The following EFHB variants were observed in gnomAD, a reference collection of about 807,000 sequenced individuals.
The protein encoded by EFHB is EF-hand domain family member B.
A neutral mutation model predicts 87.2 loss-of-function variants in EFHB; 91 were observed. That is an observed-to-expected ratio of 1.04 (90% CI 0.88 to 1.24). The LOEUF (loss-of-function observed/expected upper bound fraction) is 1.24. Among genes scored for constraint, EFHB ranks in the 50% most tolerant of loss-of-function variants. The pLI, the probability that EFHB is intolerant of heterozygous loss-of-function variation, is 0.00. For missense variants in EFHB, 1,084 were observed against 998.8 expected (o/e 1.09, Z -1.15); for synonymous variants, 325 against 333.6 (o/e 0.97, Z 0.28).
At chr3:19,938,868 T>C (rs1208572091), upstream of EFHB, among the ~76,000 whole-genome samples, 2 of 151,990 alleles carry the variant, frequency 1.3e-5, no homozygotes, top group Admixed American at 6.6e-5. Context: ...GGGCGTGTAG[T>C]TCCACTCGCA....
intron 11 of EFHB, among the ~76,000 whole-genome samples, chr3:19,883,703 T>C (rs1334473130): frequency 6.6e-6 from 1 of 152,120 alleles, no homozygotes; most frequent in Non-Finnish European, 1.5e-5. Flanking sequence ...CCTAACCTAA[T>C]ATGGCTAGAG....
intron 1 of EFHB, 30 bp from the exon 2 acceptor site, chr3:19,920,597 GC>G: frequency 6.4e-7 from 1 of 1,554,966 alleles, no homozygotes; most frequent in Non-Finnish European, 8.7e-7. Context: ...GTTGATCATT[GC>G]CAGGGTGGAA....
intron 5 of EFHB, among the ~76,000 whole-genome samples, chr3:19,913,254 C>T (rs952364538): frequency 6.6e-6 from 1 of 151,982 alleles, no homozygotes; most frequent in Non-Finnish European, 1.5e-5. Context: ...AGAAAGAGGC[C>T]AAATTACCCT....
At chr3:19,939,029 C>T (rs909078598), upstream of EFHB, among the ~76,000 whole-genome samples, 4 of 152,114 alleles carry the variant, frequency 2.6e-5, no homozygotes, top group South Asian at 2.1e-4. Context: ...GCCTCAGCCT[C>T]CCTTGTAGCT....
chr3:19,884,680 G>A lies in EFHB; in HGVS notation c.1934-65C>T, dbSNP rs1694032533. The A allele has an allele frequency of 2.7e-6, 4 of 1,480,330 alleles. No homozygotes were observed. In the South Asian group the frequency reaches 4.9e-5, roughly 18 times the overall value. The allele number at this position is 1,480,330 out of a possible 1,614,324, so 91.7% of individuals were successfully genotyped here. On this transcript the variant is annotated intron_variant, in intron 10 of 12. Transcript: ENST00000295824. ...ATTACTACTTAGTGCTTGCTGCTCT[G>A]TAACAGGATAAGTTTTCCCATCTAG...
chr3:19,942,682 G>C (rs1024183833), intron 1 of EFHB, among the ~76,000 whole-genome samples: 6 of 152,288 alleles, frequency 3.9e-5, no homozygotes, highest in African/African-American at 1.4e-4. Context: ...CCATCTGGAG[G>C]TGATGGAAGA....
chr3:19,933,817 T>C lies in EFHB; in HGVS notation c.202A>G (p.Lys68Glu), dbSNP rs772498274. 5.0e-6 allele frequency: 8 copies of C among 1,613,974 alleles called. No homozygotes were observed. Among genetic ancestry groups the C allele is most frequent in the Non-Finnish European group, 6.8e-6 (8 of 1,179,880 alleles). Residue 68 changes from lysine to glutamate, a missense_variant, in exon 1 of 13, where the codon AAG (lysine) becomes GAG (glutamate). Coordinates refer to ENST00000295824, the MANE Select transcript of EFHB (RefSeq NM_144715.4). ...CTTTCTAATCCCATTTCAAGCCCCTTGCTCAATGGAAATTTTGTTTCTGGT... is the reference window on the plus strand; with the variant it reads ...CTTTCTAATCCCATTTCAAGCCCCTCGCTCAATGGAAATTTTGTTTCTGGT... ...APPETKFPLS[K>E]GLEMGLERQN...
intron 3 of EFHB, 34 bp from the exon 4 acceptor site, chr3:19,918,446 C>CA (rs775486971): frequency 4.0e-6 from 6 of 1,516,610 alleles, no homozygotes; most frequent in African/African-American, 1.4e-5. Flanking sequence ...AATATATCAA[C>CA]AAAAAAAGTA....
chr3:19,929,842 TAAC>T (rs1402588020), intron 1 of EFHB, among the ~76,000 whole-genome samples: 1 of 151,708 alleles, frequency 6.6e-6, no homozygotes, highest in Non-Finnish European at 1.5e-5. Context: ...CACTCGATAA[TAAC>T]AACTACATAA....
chr3:19,915,039 C>T (rs935567995), intron 5 of EFHB, among the ~76,000 whole-genome samples: 3 of 151,906 alleles, frequency 2.0e-5, no homozygotes, highest in Non-Finnish European at 2.9e-5. Flanking sequence ...CTGCAATGAA[C>T]CATGATCATA....
intron 11 of EFHB, among the ~76,000 whole-genome samples, chr3:19,884,180 C>A (rs1214660532): frequency 6.6e-6 from 1 of 152,120 alleles, no homozygotes; most frequent in Non-Finnish European, 1.5e-5. Flanking sequence ...GTTTCCATTT[C>A]ATTAATATAT....
At chr3:19,924,136 G>C (rs1695534707) in intron 1 of EFHB, among the ~76,000 whole-genome samples, 1 of 151,852 alleles carries the variant, frequency 6.6e-6, no homozygotes, top group East Asian at 1.9e-4. Flanking sequence ...TGCCAAATGA[G>C]GACTTTCTAA....
Position 19,933,491 on chromosome 3 carries a change from G to C in EFHB, c.528C>G (p.Thr176=), listed in dbSNP as rs766934147. Residue 176 remains threonine, a synonymous_variant, in exon 1 of 13, where the codon ACC becomes ACG. Coordinates refer to ENST00000295824, the MANE Select transcript of EFHB (RefSeq NM_144715.4). ...EPRQEMEKES[T]CVLMKPNTEI... ...CTGTGTTGGGTTTCATTAAAACACA[G>C]GTAGACTCTTTTTCCATTTCCTGTC... 6.2e-7 allele frequency: 1 copy of C among 1,613,962 alleles called. No individual in the cohort carries two copies. Among genetic ancestry groups the C allele is most frequent in the South Asian group, 1.1e-5 (1 of 91,084 alleles).
intron 9 of EFHB, among the ~76,000 whole-genome samples, chr3:19,892,008 T>A (rs987713080): frequency 1.3e-5 from 2 of 152,216 alleles, no homozygotes; most frequent in Non-Finnish European, 2.9e-5. Flanking sequence ...AGTGAACCTC[T>A]GACCCCTCCC....
At chr3:19,921,668 T>G (rs990494462) in intron 1 of EFHB, among the ~76,000 whole-genome samples, 1 of 152,092 alleles carries the variant, frequency 6.6e-6, no homozygotes, top group South Asian at 2.1e-4. Context: ...CCCACACAAT[T>G]ACATTGTGTG....
intron 6 of EFHB, among the ~76,000 whole-genome samples, chr3:19,900,860 C>CA (rs1372299608): frequency 6.6e-6 from 1 of 150,656 alleles, no homozygotes; most frequent in Middle Eastern, 3.4e-3. Flanking sequence ...ACCTGGGAGT[C>CA]AGAGGCTGCA....
intron 1 of EFHB, among the ~76,000 whole-genome samples, chr3:19,943,992 C>A (rs566656836): frequency 6.6e-6 from 1 of 152,280 alleles, no homozygotes; most frequent in Admixed American, 6.5e-5. Flanking sequence ...CTTAGAAGTC[C>A]CTTAGGTAGA....
chr3:19,895,502 G>A (rs1333439571), intron 9 of EFHB, among the ~76,000 whole-genome samples: 2 of 151,436 alleles, frequency 1.3e-5, no homozygotes, highest in East Asian at 3.9e-4. Context: ...AAAGGAATAT[G>A]CCTGGTGGTT....
At chr3:19,921,512 G>C (rs1695434996) in intron 1 of EFHB, among the ~76,000 whole-genome samples, 1 of 152,024 alleles carries the variant, frequency 6.6e-6, no homozygotes, top group Non-Finnish European at 1.5e-5. Context: ...ACATGAAGAA[G>C]GAAAAATCAA....
Sources: allele counts gnomAD v4.1 joint callset (sites outside exome capture counted in the v4.1 genomes callset), GRCh38; gene constraint gnomAD v4.1.1; transcripts MANE v1.5; gene names NCBI Gene and HGNC (gene_info 2026-07-23, HGNC 2026-07-21).